The following PHF23 variants were observed in gnomAD, a reference collection of about 807,000 sequenced individuals.
PHF23 encodes PDH-containing protein JUNE-1.
In PHF23, 3 loss-of-function variants were observed where a neutral mutation model predicts 36.0. The ratio of observed to expected loss-of-function variants is 0.08; its 90% confidence interval spans 0.04 to 0.22. The LOEUF is 0.22. Ranked by LOEUF, PHF23 falls within the 10% of genes least tolerant of loss-of-function variation. The probability of loss-of-function intolerance (pLI) is 1.00; values close to 1 mark genes in which losing one functional copy is unlikely to be tolerated. For synonymous variants in PHF23, 242 were observed against 192.5 expected, an observed-to-expected ratio of 1.26 and a Z score of -2.13; for missense variants, 475 against 513.6, an observed-to-expected ratio of 0.92 and a Z score of 0.73.
Position 7,239,199 on chromosome 17 carries a change from C to G in PHF23, c.34+47G>C, listed in dbSNP as rs758292889. 4 of 1,359,384 alleles carry G rather than the reference C, an allele frequency of 2.9e-6. No homozygotes were observed. In the East Asian group the frequency reaches 7.7e-5, roughly 26 times the overall value. The allele number at this position is 1,359,384 out of a possible 1,614,324, so 84.2% of individuals were successfully genotyped here. ...CCTCCAAGTTTGCCAATTGATTCCT[C>G]GCCCGCCCCCCGCCGGCTCAGCGCT... is the stretch of plus-strand genomic sequence containing the variant. On this transcript the variant is annotated intron_variant, in intron 1 of 4. Coordinates refer to ENST00000320316, the MANE Select transcript of PHF23 (RefSeq NM_024297.3).
chr17:7,240,437 T>C (rs2071764061), upstream of PHF23: 1 of 168,718 alleles, frequency 5.9e-6, no homozygotes, highest in Non-Finnish European at 1.3e-5. Context: ...GGTGGTTTCC[T>C]CTTTATTGAT....
At position 7,235,099 on chromosome 17, in the gene PHF23, T is replaced by G. The variant is rs758710195; in HGVS notation, c.*527A>C. The G allele has an allele frequency of 5.8e-6, 1 of 171,892 alleles. No individual in the cohort carries two copies. Among genetic ancestry groups the G allele is most frequent in the Non-Finnish European group, 1.3e-5 (1 of 78,138 alleles). 10.6% of individuals were successfully genotyped at this position (171,892 alleles called of 1,614,324 possible). On this transcript the variant is annotated 3_prime_UTR_variant, in exon 5 of 5. Transcript: ENST00000320316. ...TGTCTGTACAAACAGCGGCCGATATTATTAAAAACAAAAGAGGTGAGTGAG... is the reference window on the plus strand; with the variant it reads ...TGTCTGTACAAACAGCGGCCGATATGATTAAAAACAAAAGAGGTGAGTGAG...
Position 7,235,370 on chromosome 17 carries a change from C to T in PHF23, c.*256G>A. The T allele has an allele frequency of 1.9e-6, 1 of 517,686 alleles. No homozygotes were observed. 32.1% of individuals were successfully genotyped at this position (517,686 alleles called of 1,614,324 possible). A position where few individuals can be genotyped will look rare whatever the true frequency, so the allele number is the denominator to read the frequency against. Reference sequence around the variant, plus strand: ...ACCCAGAAAGTGATGGTGGCAGGTCCAAGAGACAGAGATTATGTGTCGGGA... The same window carrying T: ...ACCCAGAAAGTGATGGTGGCAGGTCTAAGAGACAGAGATTATGTGTCGGGA... On this transcript the variant is annotated 3_prime_UTR_variant, in exon 5 of 5. Coordinates refer to ENST00000320316, the MANE Select transcript of PHF23 (RefSeq NM_024297.3).
At chr17:7,237,981 T>G in intron 1 of PHF23, 1 of 227,508 alleles carries the variant, frequency 4.4e-6, no homozygotes. Flanking sequence ...ACCGTACCGC[T>G]CCCGGGGCCG....
chr17:7,240,516 G>A (rs531154107), upstream of PHF23: 82 of 206,166 alleles, frequency 4.0e-4, no homozygotes, highest in African/African-American at 1.7e-3. Context: ...GTAGTGAAAG[G>A]AAGGGATTGC....
rs1029247391 is a variant in PHF23, at chr17:7,235,507, G to A, written c.*119C>T. 3 of 1,026,684 alleles carry A rather than the reference G, an allele frequency of 2.9e-6. No individual in the cohort carries two copies. Among genetic ancestry groups the A allele is most frequent in the African/African-American group, 1.6e-5 (1 of 62,384 alleles). The allele number at this position is 1,026,684 out of a possible 1,614,324, so 63.6% of individuals were successfully genotyped here. On this transcript the variant is annotated 3_prime_UTR_variant, in exon 5 of 5. Coordinates refer to ENST00000320316, the MANE Select transcript of PHF23 (RefSeq NM_024297.3). ...ACTCATTTTCAAACAAGTCTCCCTTGAGAATTCCTGCCTTGAAGTGCAGAC... is the reference window on the plus strand; with the variant it reads ...ACTCATTTTCAAACAAGTCTCCCTTAAGAATTCCTGCCTTGAAGTGCAGAC...
At chr17:7,238,922 C>A (rs1042753252) in intron 1 of PHF23, 1 of 1,525,568 alleles carries the variant, frequency 6.6e-7, no homozygotes, top group Non-Finnish European at 8.8e-7. Context: ...GAGCAACTCT[C>A]CGGCCACTGG....
At position 7,235,353 on chromosome 17, in the gene PHF23, A is replaced by G. The variant is rs1237103151; in HGVS notation, c.*273T>C. ...TCCCAATTCCAATCCTGACCCAGAAAGTGATGGTGGCAGGTCCAAGAGACA... is the reference window on the plus strand; with the variant it reads ...TCCCAATTCCAATCCTGACCCAGAAGGTGATGGTGGCAGGTCCAAGAGACA... On this transcript the variant is annotated 3_prime_UTR_variant, in exon 5 of 5. Transcript: ENST00000320316. 8.2e-6 allele frequency: 4 copies of G among 488,098 alleles called. No homozygotes were observed. The highest frequency in any genetic ancestry group is 3.8e-5 in the East Asian group (1 of 26,044). 30.2% of individuals were successfully genotyped at this position (488,098 alleles called of 1,614,324 possible). A position where few individuals can be genotyped will look rare whatever the true frequency, so the allele number is the denominator to read the frequency against.
intron 1 of PHF23, chr17:7,238,662 C>T: frequency 1.1e-6 from 1 of 897,932 alleles, no homozygotes; most frequent in Non-Finnish European, 1.3e-6. Context: ...GCCCCACCAC[C>T]CCCTACAACT....
chr17:7,237,518 G>A, intron 2 of PHF23, 41 bp from the exon 3 acceptor site: 3 of 1,605,680 alleles, frequency 1.9e-6, no homozygotes, highest in Non-Finnish European at 2.6e-6. Context: ...AAGCCACACA[G>A]TTTAAGAATG....
At chr17:7,237,274 C>A (rs2071687572) in intron 3 of PHF23, 111 bp downstream of exon 3, 1 of 978,240 alleles carries the variant, frequency 1.0e-6, no homozygotes, top group South Asian at 1.5e-5. Flanking sequence ...CCTGGTCTTA[C>A]ATATAATTTC....
intron 1 of PHF23, chr17:7,238,843 C>T: frequency 6.5e-7 from 1 of 1,534,490 alleles, no homozygotes; most frequent in South Asian, 1.2e-5. Context: ...CCGGTACCAC[C>T]GCCACAAACT....
intron 1 of PHF23, chr17:7,238,896 CTACGTCCT>C (rs1247151864): frequency 3.1e-5 from 48 of 1,533,252 alleles, no homozygotes; most frequent in Non-Finnish European, 3.6e-5. Flanking sequence ...TCAGCCTCTT[CTACGTCCT>C]CCCTCCTGAG....
At chr17:7,240,559 G>A, upstream of PHF23, 1 of 313,232 alleles carries the variant, frequency 3.2e-6, no homozygotes, top group Non-Finnish European at 6.0e-6. Context: ...AGTCAGAAAG[G>A]GAACAGAAAC....
At chr17:7,239,479 C>A (rs982758654), upstream of PHF23, 9 of 473,428 alleles carry the variant, frequency 1.9e-5, no homozygotes, top group Admixed American at 3.9e-5. Context: ...CCCCCTCCCC[C>A]CGCGCCGCCG....
In PHF23 at chr17:7,239,312, C is replaced by G. The variant is rs761401195; in HGVS notation, c.-33G>C. ...TCCCCTCCTCCCGGTCCGGCGCCCC[C>G]CTCCCCGGAGCCGGGGATCCCGGTG... is the stretch of plus-strand genomic sequence containing the variant. On this transcript the variant is annotated 5_prime_UTR_variant, in exon 1 of 5. Transcript: ENST00000320316. The G allele has an allele frequency of 3.3e-5, 40 of 1,208,678 alleles. No homozygotes were observed. Among genetic ancestry groups the G allele is most frequent in the Non-Finnish European group, 4.7e-5 (39 of 833,576 alleles). 74.9% of individuals were successfully genotyped at this position (1,208,678 alleles called of 1,614,324 possible).
At position 7,239,440 on chromosome 17, in the gene PHF23, A is replaced by C; in HGVS notation, c.-161T>G. 7.8e-6 allele frequency: 3 copies of C among 386,066 alleles called. No homozygotes were observed. Among genetic ancestry groups the C allele is most frequent in the Non-Finnish European group, 1.4e-5 (3 of 207,080 alleles). 23.9% of individuals were successfully genotyped at this position (386,066 alleles called of 1,614,324 possible). On this transcript the variant is annotated 5_prime_UTR_variant, in exon 1 of 5. Transcript: ENST00000320316. ...CTAGCCGCTGCCGCCACCTCCCTCT[A>C]CCACTGCCTCCCGCACTCCCGGACC...
At chr17:7,238,274 G>C (rs1458465380) in intron 1 of PHF23, 1 of 52,256 alleles carries the variant, frequency 1.9e-5, no homozygotes, top group African/African-American at 1.2e-4. Context: ...ACCCGGACGC[G>C]GCCCCCACCT....
At chr17:7,239,518 A>T (rs73976773), upstream of PHF23, 321,924 of 347,358 alleles carry the variant, frequency 0.93, 148,245 homozygotes, top group African/African-American at 0.96. Flanking sequence ...CTCCTCCTCC[A>T]CCTCCTCTCT....
Sources: gnomAD v4.1 joint callset for allele counts on GRCh38, gnomAD v4.1.1 for gene constraint, MANE v1.5 for transcripts, NCBI Gene and HGNC (gene_info 2026-07-23, HGNC 2026-07-21) for gene names.